Variants in MACROD2 observed in about 807,000 individuals in gnomAD.
MACROD2 encodes ADP-ribose glycohydrolase MACROD2.
MACROD2 carries 36 observed loss-of-function variants against 70.4 expected under a neutral mutation model. That is an observed-to-expected ratio of 0.51 (90% confidence interval 0.39 to 0.68). The LOEUF (loss-of-function observed/expected upper bound fraction) is 0.68, where lower values mean the gene tolerates loss of function less well. MACROD2 is among the 30% of genes least tolerant of loss of function. MACROD2 has a pLI of 0.00. For synonymous variants in MACROD2, 172 were observed against 178.8 expected (o/e 0.96, Z 0.30); for missense variants, 496 against 538.4 (o/e 0.92, Z 0.78).
intron 13 of MACROD2, among the ~76,000 whole-genome samples, chr20:15,972,482 G>C (rs1009222723): frequency 2.6e-5 from 4 of 152,018 alleles, no homozygotes; most frequent in Non-Finnish European, 5.9e-5. Context: ...AACAAGCAGA[G>C]GAAAATGACA....
intron 12 of MACROD2, among the ~76,000 whole-genome samples, chr20:15,954,672 A>C (rs2065951999): frequency 6.6e-6 from 1 of 152,180 alleles, no homozygotes; most frequent in Admixed American, 6.6e-5. Flanking sequence ...AACTTTTTTA[A>C]GACATTATGC....
rs56160495 is a variant in MACROD2, at chr20:15,025,265, G to A, written c.419-204675G>A. Among the ~76,000 whole-genome samples the A allele has an allele frequency of 2.3e-3, 353 of 151,924 alleles. 3 individuals are homozygous for A. Among genetic ancestry groups the A allele is most frequent in the African/African-American group, 8.3e-3 (342 of 41,436 alleles). Reference sequence around the variant, plus strand: ...CTTGTTAATGGGGGAGAGAGAGGGGGTTGTGTGTGTATGTTCAATGAATCA... The same window carrying A: ...CTTGTTAATGGGGGAGAGAGAGGGGATTGTGTGTGTATGTTCAATGAATCA... On this transcript the variant is annotated intron_variant, in intron 5 of 17. Coordinates refer to ENST00000684519, the MANE Select transcript of MACROD2 (RefSeq NM_001351661.2).
chr20:15,142,004 G>T lies in MACROD2; in HGVS notation c.419-87936G>T, dbSNP rs552565809. On this transcript the variant is annotated intron_variant, in intron 5 of 17. Transcript: ENST00000684519. ...GAAATGCAGCGTTCTACCAAGCATT[G>T]GCCAGTTCTCATAATCAGTTTTTCT... 1.1e-3 allele frequency among the ~76,000 whole-genome samples: 167 copies of T among 152,242 alleles called. 1 individual carries two copies. The highest frequency in any genetic ancestry group is 3.4e-3 in the African/African-American group (143 of 41,534).
intron 3 of MACROD2, among the ~76,000 whole-genome samples, chr20:14,445,951 A>T (rs1568615135): frequency 6.6e-6 from 1 of 152,148 alleles, no homozygotes; most frequent in East Asian, 1.9e-4. Flanking sequence ...GAAGAGGGAA[A>T]GAGTATAGAA....
intron 5 of MACROD2, among the ~76,000 whole-genome samples, chr20:14,829,264 G>GGACT (rs796247730): frequency 5.4e-4 from 82 of 151,326 alleles, no homozygotes; most frequent in African/African-American, 1.7e-3. Flanking sequence ...CAAGTAGCTG[G>GGACT]GACTACAGGT....
chr20:16,047,365 C>G (rs1431974511), intron 17 of MACROD2, among the ~76,000 whole-genome samples: 1 of 152,136 alleles, frequency 6.6e-6, no homozygotes, highest in Non-Finnish European at 1.5e-5. Flanking sequence ...CATAAGGATA[C>G]AACAGGGAGA....
intron 5 of MACROD2, among the ~76,000 whole-genome samples, chr20:14,895,823 T>A (rs1402967051): frequency 6.6e-6 from 1 of 152,156 alleles, no homozygotes; most frequent in East Asian, 1.9e-4. Flanking sequence ...TAATTAAATT[T>A]TTAGATAAGA....
At chr20:15,525,672 T>A (rs2047712193) in intron 8 of MACROD2, among the ~76,000 whole-genome samples, 2 of 152,260 alleles carry the variant, frequency 1.3e-5, no homozygotes, top group East Asian at 3.8e-4. Context: ...AGTGAAACTT[T>A]GTGTGAAAAC....
chr20:15,653,704 G>GA (rs780716743), intron 8 of MACROD2, among the ~76,000 whole-genome samples: 3 of 152,066 alleles, frequency 2.0e-5, no homozygotes, highest in African/African-American at 4.8e-5. Flanking sequence ...CCACATCCTT[G>GA]AATCATTTCT....
chr20:14,474,645 G>A (rs6042757), intron 3 of MACROD2, among the ~76,000 whole-genome samples: 1 of 151,882 alleles, frequency 6.6e-6, no homozygotes. Flanking sequence ...TATATATTTA[G>A]GTGCTCTGAT....
intron 8 of MACROD2, among the ~76,000 whole-genome samples, chr20:15,589,522 T>G (rs1031619219): frequency 6.6e-6 from 1 of 152,214 alleles, no homozygotes; most frequent in Non-Finnish European, 1.5e-5. Context: ...GAACCTACAT[T>G]GACATGTCAT....
At chr20:15,184,989 C>A (rs1862508206) in intron 5 of MACROD2, among the ~76,000 whole-genome samples, 1 of 152,166 alleles carries the variant, frequency 6.6e-6, no homozygotes, top group Admixed American at 6.5e-5. Context: ...ATGATGGGAG[C>A]TTTAATGGAC....
At chr20:14,437,604 T>A (rs1041827960) in intron 3 of MACROD2, among the ~76,000 whole-genome samples, 1 of 151,848 alleles carries the variant, frequency 6.6e-6, no homozygotes, top group Non-Finnish European at 1.5e-5. Context: ...CAAAAAAAAA[T>A]TTTTTTCTCA....
intron 16 of MACROD2, among the ~76,000 whole-genome samples, chr20:16,042,047 A>G (rs956681105): frequency 1.1e-4 from 17 of 152,014 alleles, no homozygotes; most frequent in Non-Finnish European, 2.5e-4. Flanking sequence ...TAGCCAAAGG[A>G]AAAAAACAAA....
intron 4 of MACROD2, among the ~76,000 whole-genome samples, chr20:14,509,355 T>C (rs1186775023): frequency 6.6e-6 from 1 of 152,114 alleles, no homozygotes; most frequent in Non-Finnish European, 1.5e-5. Flanking sequence ...AATTGTAATA[T>C]ATTTGATTAA....
intron 3 of MACROD2, among the ~76,000 whole-genome samples, chr20:14,375,344 G>C (rs944604346): frequency 6.6e-6 from 1 of 152,076 alleles, no homozygotes; most frequent in Non-Finnish European, 1.5e-5. Flanking sequence ...ATGGAATTTT[G>C]CAGCCAGTAG....
chr20:14,315,916 G>A (rs1447699493), intron 3 of MACROD2, among the ~76,000 whole-genome samples: 2 of 152,144 alleles, frequency 1.3e-5, no homozygotes, highest in Admixed American at 6.5e-5. Context: ...TGTAGGTCTG[G>A]CAAGTGTACT....
chr20:15,627,394 G>C (rs1048310546), intron 8 of MACROD2, among the ~76,000 whole-genome samples: 11 of 152,166 alleles, frequency 7.2e-5, no homozygotes, highest in Non-Finnish European at 1.5e-4. Context: ...TTGCGGTAAA[G>C]AAAGAGTTTA....
chr20:16,052,352 G>A lies in MACROD2; in HGVS notation c.*2476G>A, dbSNP rs2067469152. The A allele has an allele frequency of 6.6e-6, 1 of 152,170 alleles. No individual in the cohort carries two copies. Among genetic ancestry groups the A allele is most frequent in the Non-Finnish European group, 1.5e-5 (1 of 68,022 alleles). The allele number at this position is 152,170 out of a possible 1,614,324, so 9.4% of individuals were successfully genotyped here. On this transcript the variant is annotated 3_prime_UTR_variant, in exon 18 of 18. Transcript: ENST00000684519. Reference sequence around the variant, plus strand: ...ATTGCACAGGCTGTACAATGAAATAGATTTGAAAAGCTGATTGATTTTCCC... The same window carrying A: ...ATTGCACAGGCTGTACAATGAAATAAATTTGAAAAGCTGATTGATTTTCCC...
Sources: allele counts gnomAD v4.1 joint callset (sites outside exome capture counted in the v4.1 genomes callset), GRCh38; gene constraint gnomAD v4.1.1; transcripts MANE v1.5; gene names NCBI Gene and HGNC (gene_info 2026-07-23, HGNC 2026-07-21).